Variants in DLG2 observed in about 807,000 individuals in gnomAD.
The protein encoded by DLG2 is disks large homolog 2.
In DLG2, 45 loss-of-function variants were observed where a neutral mutation model predicts 132.5. The ratio of observed to expected loss-of-function variants is 0.34; its 90% CI spans 0.27 to 0.44. The LOEUF is 0.44. Ranked by LOEUF, DLG2 falls within the 20% of genes least tolerant of loss-of-function variation. The probability of loss-of-function intolerance (pLI) is 1.00; values close to 1 mark genes in which losing one functional copy is unlikely to be tolerated. For missense variants in DLG2, 1,045 were observed against 1,196.9 expected (o/e 0.87, Z 1.87); for synonymous variants, 424 against 419.6 (o/e 1.01, Z -0.13).
chr11:83,800,838 T>C (rs917845118), intron 17 of DLG2, among the ~76,000 whole-genome samples: 3 of 152,168 alleles, frequency 2.0e-5, no homozygotes, highest in Non-Finnish European at 4.4e-5. Context: ...AAGTAAAAAG[T>C]TAACTATCTT....
intron 6 of DLG2, among the ~76,000 whole-genome samples, chr11:85,017,011 C>T (rs1241270827): frequency 6.6e-6 from 1 of 152,110 alleles, no homozygotes; most frequent in Non-Finnish European, 1.5e-5. Flanking sequence ...AACAGCCATG[C>T]CCATTTGTTT....
At chr11:84,689,409 T>C (rs2057752071) in intron 6 of DLG2, among the ~76,000 whole-genome samples, 1 of 152,072 alleles carries the variant, frequency 6.6e-6, no homozygotes, top group African/African-American at 2.4e-5. Flanking sequence ...ACATAAGATG[T>C]ACTGTACAAT....
intron 6 of DLG2, among the ~76,000 whole-genome samples, chr11:85,013,254 G>A (rs1225180784): frequency 6.6e-6 from 1 of 152,114 alleles, no homozygotes; most frequent in Non-Finnish European, 1.5e-5. Flanking sequence ...CAGAAGTTAT[G>A]TTATATTTCT....
At chr11:84,123,869 T>C (rs1387136178) in intron 9 of DLG2, among the ~76,000 whole-genome samples, 1 of 152,220 alleles carries the variant, frequency 6.6e-6, no homozygotes, top group Non-Finnish European at 1.5e-5. Context: ...AGTTGAGGCA[T>C]GTGCTTTCAT....
intron 3 of DLG2, among the ~76,000 whole-genome samples, chr11:85,305,232 C>A (rs2079860155): frequency 6.6e-6 from 1 of 152,184 alleles, no homozygotes; most frequent in Non-Finnish European, 1.5e-5. Context: ...ATGTCACAGG[C>A]TATTGATAAA....
intron 9 of DLG2, among the ~76,000 whole-genome samples, chr11:84,109,816 T>C (rs1339556474): frequency 6.6e-6 from 1 of 152,182 alleles, no homozygotes; most frequent in African/African-American, 2.4e-5. Context: ...GGTTTGTGTA[T>C]TGAAAATAAG....
intron 3 of DLG2, among the ~76,000 whole-genome samples, chr11:85,393,912 G>T (rs1188737247): frequency 6.6e-6 from 1 of 151,952 alleles, no homozygotes; most frequent in African/African-American, 2.4e-5. Flanking sequence ...CAGGAGAAAG[G>T]GTGTGAGAGG....
intron 18 of DLG2, among the ~76,000 whole-genome samples, chr11:83,770,879 AC>A (rs1476988178): frequency 1.3e-5 from 2 of 152,214 alleles, no homozygotes; most frequent in Admixed American, 1.3e-4. Context: ...AAGAAAATCC[AC>A]TTTTTTTGCT....
intron 7 of DLG2, among the ~76,000 whole-genome samples, chr11:84,528,805 T>C (rs1056105475): frequency 6.6e-6 from 1 of 152,228 alleles, no homozygotes; most frequent in Non-Finnish European, 1.5e-5. Flanking sequence ...ACCCATTAGA[T>C]TTTAATCATT....
chr11:84,366,568 T>C (rs2154426324), intron 7 of DLG2, among the ~76,000 whole-genome samples: 1 of 152,012 alleles, frequency 6.6e-6, no homozygotes, highest in South Asian at 2.1e-4. Context: ...AGGAAACCCA[T>C]CTCACATGCA....
intron 19 of DLG2, among the ~76,000 whole-genome samples, chr11:83,574,214 C>G (rs1184898539): frequency 6.6e-6 from 1 of 152,008 alleles, no homozygotes; most frequent in Non-Finnish European, 1.5e-5. Context: ...AAGTGAAGCT[C>G]AAATGACAGT....
At chr11:84,812,870 G>T (rs1475392111) in intron 6 of DLG2, among the ~76,000 whole-genome samples, 1 of 152,068 alleles carries the variant, frequency 6.6e-6, no homozygotes, top group Non-Finnish European at 1.5e-5. Context: ...AGTTCCATAT[G>T]GTGGTGTGAT....
At chr11:83,693,709 G>GA (rs2081387836) in intron 18 of DLG2, 1 of 152,192 alleles carries the variant, frequency 6.6e-6, no homozygotes, top group South Asian at 2.1e-4. Flanking sequence ...CAAAGTATTT[G>GA]ATTGCTATTG....
chr11:85,478,758 CT>C (rs2093213253), intron 3 of DLG2, among the ~76,000 whole-genome samples: 1 of 152,166 alleles, frequency 6.6e-6, no homozygotes, highest in African/African-American at 2.4e-5. Flanking sequence ...GAATTATCTC[CT>C]GTAGCATTCT....
chr11:84,325,584 A>G (rs2098426468), intron 7 of DLG2, among the ~76,000 whole-genome samples: 1 of 152,200 alleles, frequency 6.6e-6, no homozygotes, highest in Non-Finnish European at 1.5e-5. Flanking sequence ...CCATTCTTGC[A>G]TCTCAGAAAT....
chr11:85,593,612 C>CCAAAT (rs2079524122), intron 3 of DLG2, among the ~76,000 whole-genome samples: 1 of 152,114 alleles, frequency 6.6e-6, no homozygotes, highest in Non-Finnish European at 1.5e-5. Flanking sequence ...CCAAGTTGCT[C>CCAAAT]CAAATTCACA....
At chr11:85,345,329 AC>A (rs2082758747) in intron 3 of DLG2, among the ~76,000 whole-genome samples, 1 of 151,800 alleles carries the variant, frequency 6.6e-6, no homozygotes, top group Non-Finnish European at 1.5e-5. Context: ...CAAAGGGAGA[AC>A]CCCCGACTCC....
chr11:83,846,362 T>A lies in DLG2; in HGVS notation c.1566-12592A>T, dbSNP rs146953880. Among the ~76,000 whole-genome samples the A allele has an allele frequency of 1.8e-4, 27 of 152,338 alleles. No homozygotes were observed. In the East Asian group the frequency reaches 4.4e-3, roughly 25 times the overall value. On this transcript the variant is annotated intron_variant, in intron 16 of 27. Transcript: ENST00000376104. ...GAATTCACACTTTATACTTGGATAA[T>A]GTGAAGACATTGAATGTTTGTGTAC...
In DLG2 at chr11:85,368,542, C is replaced by T. The variant is rs904624886; in HGVS notation, c.41-83177G>A. Among the ~76,000 whole-genome samples, 6 of 152,218 alleles carry T rather than the reference C, an allele frequency of 3.9e-5. 1 individual carries two copies. The highest frequency in any genetic ancestry group is 8.8e-5 in the Non-Finnish European group (6 of 68,050). On this transcript the variant is annotated intron_variant, in intron 3 of 27. Coordinates refer to ENST00000376104, the MANE Select transcript of DLG2 (RefSeq NM_001142699.3). ...TCATTATCTCTCACCCGGAGTATTT[C>T]ATTAATCTTCTGATGCATCTTCCTA...
Sources: gnomAD v4.1 joint callset for allele counts (sites outside exome capture counted in the v4.1 genomes callset) on GRCh38, gnomAD v4.1.1 for gene constraint, MANE v1.5 for transcripts, NCBI Gene and HGNC (gene_info 2026-07-23, HGNC 2026-07-21) for gene names.